ABR: variants seen among roughly 807,000 people sequenced by gnomAD.
ABR encodes active breakpoint cluster region-related protein.
In ABR, 35 loss-of-function variants were observed where a neutral mutation model predicts 107.2. The observed-to-expected ratio is 0.33, with a 90% CI of 0.25 to 0.43. The LOEUF is 0.43. Among genes scored for constraint, ABR ranks in the 20% least tolerant of loss-of-function variants. The pLI is 1.00. For missense variants in ABR, 815 were observed against 1,115.2 expected (o/e 0.73, Z 3.83); for synonymous variants, 498 against 462.0 (o/e 1.08, Z -1.00).
chr17:1,099,424 T>C (rs2037720767), intron 3 of ABR, among the ~76,000 whole-genome samples: 1 of 152,152 alleles, frequency 6.6e-6, no homozygotes, highest in African/African-American at 2.4e-5. Flanking sequence ...AAATGTCAAG[T>C]CCCCTGGGAC....
At chr17:1,061,556 T>C (rs1024594157) in intron 10 of ABR, among the ~76,000 whole-genome samples, 37 of 80,148 alleles carry the variant, frequency 4.6e-4, no homozygotes, top group Non-Finnish European at 9.3e-4. Context: ...TGCCTTTTTT[T>C]TTTTGAGATG....
Position 1,185,709 on chromosome 17 carries a change from G to T in ABR, c.-78+1091C>A, listed in dbSNP as rs764667173. On this transcript the variant is annotated intron_variant, in intron 1 of 22. Transcript: ENST00000544583. ...GGTATGTGCCCAGGTGGATCAAGAAGACGACCTCCAGGCCTCCTATGAGCA... is the reference window on the plus strand; with the variant it reads ...GGTATGTGCCCAGGTGGATCAAGAATACGACCTCCAGGCCTCCTATGAGCA... Among the ~76,000 whole-genome samples, 3 of 137,906 alleles carry T rather than the reference G, an allele frequency of 2.2e-5. No individual in the cohort carries two copies. The South Asian group carries it at 6.9e-4, about 32-fold the overall frequency. The allele number at this position is 137,906 out of a possible 152,430, so 90.5% of individuals were successfully genotyped here.
intron 2 of ABR, 132 bp from the exon 3 acceptor site, chr17:1,100,867 A>C: frequency 1.2e-6 from 1 of 834,100 alleles, no homozygotes; most frequent in Non-Finnish European, 1.9e-6. Flanking sequence ...TCTGTCACCT[A>C]GGCTGAAGTA....
At chr17:1,017,678 G>A (rs1396369209) in intron 16 of ABR, among the ~76,000 whole-genome samples, 4 of 151,844 alleles carry the variant, frequency 2.6e-5, no homozygotes, top group Admixed American at 2.0e-4. Flanking sequence ...ATGTTGGCCA[G>A]GCTGGTCTCG....
intron 10 of ABR, among the ~76,000 whole-genome samples, chr17:1,062,237 TG>T (rs1382649258): frequency 2.1e-4 from 32 of 151,706 alleles, no homozygotes; most frequent in African/African-American, 7.5e-4. Context: ...TAGACGCTGC[TG>T]TTATGTGAAC....
intron 16 of ABR, among the ~76,000 whole-genome samples, chr17:1,045,334 A>G (rs1172498482): frequency 6.6e-6 from 1 of 152,068 alleles, no homozygotes; most frequent in Non-Finnish European, 1.5e-5. Flanking sequence ...CCATCTTCTT[A>G]TAGCAGGACA....
chr17:1,013,000 C>T (rs984301302), intron 17 of ABR, 105 bp downstream of exon 17: 24 of 1,392,638 alleles, frequency 1.7e-5, no homozygotes, highest in South Asian at 7.0e-5. Context: ...GAGGTCGAGG[C>T]GGCACAGCGG....
At chr17:1,149,046 T>C (rs11867324) in intron 1 of ABR, among the ~76,000 whole-genome samples, 33,493 of 143,210 alleles carry the variant, frequency 0.23, 4,665 homozygotes, top group African/African-American at 0.36. Flanking sequence ...GGACGACAGG[T>C]GCCTGCCACC....
intron 1 of ABR, among the ~76,000 whole-genome samples, chr17:1,178,586 A>T (rs1048166631): frequency 6.6e-6 from 1 of 151,206 alleles, no homozygotes; most frequent in African/African-American, 2.4e-5. Context: ...AAAAGAAAGA[A>T]AACGCTCCTG....
intron 16 of ABR, among the ~76,000 whole-genome samples, chr17:1,026,497 CTTG>C (rs2072206694): frequency 6.6e-6 from 1 of 152,178 alleles, no homozygotes; most frequent in Admixed American, 6.5e-5. Context: ...GTTCCGCTGT[CTTG>C]AAGCGGGACT....
intron 2 of ABR, among the ~76,000 whole-genome samples, chr17:1,108,351 C>T (rs1409190770): frequency 6.6e-6 from 1 of 152,136 alleles, no homozygotes; most frequent in Admixed American, 6.5e-5. Context: ...CTGCAGAGAA[C>T]GCCGTCAGCC....
At chr17:1,028,121 C>G (rs932853747) in intron 16 of ABR, among the ~76,000 whole-genome samples, 1 of 152,088 alleles carries the variant, frequency 6.6e-6, no homozygotes, top group Non-Finnish European at 1.5e-5. Flanking sequence ...GACCGAGTCT[C>G]GCTCTGTTGC....
rs950372697 is a variant in ABR, at chr17:1,083,623, C to G, written c.536G>C (p.Ser179Thr). ...TMGHLFQKLA[S>T]QLGVYKAFVD... ...AAACGCTTTGTACACACCGAGCTGG[C>G]TGGCCTGCAGGGAGGAGTCAGGGAA... The change falls in exon 5 of 23, where the codon AGC becomes ACC. Residue 179 changes from serine to threonine, a missense_variant. Around this residue, in one of 5 missense-constraint regions of ABR, gnomAD observed 385 missense variants for 596.9 expected, o/e 0.64. Transcript: ENST00000302538. 1.9e-6 allele frequency: 3 copies of G among 1,611,586 alleles called. No homozygotes were observed. In the African/African-American group the frequency reaches 4.0e-5, roughly 22 times the overall value.
intron 2 of ABR, among the ~76,000 whole-genome samples, chr17:1,109,892 A>G (rs1162777987): frequency 3.2e-5 from 2 of 61,794 alleles, no homozygotes; most frequent in East Asian, 1.3e-3. Context: ...CCACTCACGG[A>G]CGCTACTGAC....
At chr17:1,021,514 G>A (rs1597397887) in intron 16 of ABR, among the ~76,000 whole-genome samples, 1 of 152,232 alleles carries the variant, frequency 6.6e-6, no homozygotes, top group Non-Finnish European at 1.5e-5. Context: ...ATAAAAAAAA[G>A]TGCTTCTTCA....
At chr17:1,107,085 A>G (rs1324555326) in intron 2 of ABR, among the ~76,000 whole-genome samples, 2 of 152,244 alleles carry the variant, frequency 1.3e-5, no homozygotes, top group Admixed American at 6.5e-5. Context: ...AGAGGTGTTC[A>G]GGATGGAGCA....
intron 5 of ABR, among the ~76,000 whole-genome samples, chr17:1,082,983 G>C (rs2036347114): frequency 6.6e-6 from 1 of 152,022 alleles, no homozygotes; most frequent in South Asian, 2.1e-4. Context: ...CCTTAGCCAG[G>C]CGTGGTGGTG....
At chr17:1,113,641 G>A (rs773904205) in intron 2 of ABR, among the ~76,000 whole-genome samples, 1 of 152,062 alleles carries the variant, frequency 6.6e-6, no homozygotes, top group Admixed American at 6.5e-5. Flanking sequence ...GGAGCCTCCC[G>A]TGACTCCCCG....
At chr17:1,095,707 C>T (rs770753435) in intron 3 of ABR, among the ~76,000 whole-genome samples, 18 of 152,200 alleles carry the variant, frequency 1.2e-4, no homozygotes, top group Admixed American at 5.2e-4. Context: ...CTCAGGAAGA[C>T]GGGCCTGGGC....
Sources: allele counts gnomAD v4.1 joint callset (sites outside exome capture counted in the v4.1 genomes callset), GRCh38; gene constraint gnomAD v4.1.1; regional missense constraint gnomAD v4.1.1; transcripts MANE v1.5; gene names NCBI Gene and HGNC (gene_info 2026-07-23, HGNC 2026-07-21).